The following SLC12A1 variants were observed in gnomAD, a reference collection of about 807,000 sequenced individuals.
SLC12A1 encodes Na-K-2Cl cotransporter.
A neutral mutation model predicts 130.4 loss-of-function variants in SLC12A1; 89 were observed. That is an observed-to-expected ratio of 0.68 (90% CI 0.58 to 0.81). The LOEUF (loss-of-function observed/expected upper bound fraction) is 0.81, where lower values mean the gene tolerates loss of function less well. Among genes scored for constraint, SLC12A1 ranks in the 40% least tolerant of loss-of-function variants. SLC12A1 has a pLI of 0.00. For missense variants in SLC12A1, 1,310 were observed against 1,336.4 expected (o/e 0.98, Z 0.31); for synonymous variants, 499 against 460.0 (o/e 1.08, Z -1.09).
intron 9 of SLC12A1, among the ~76,000 whole-genome samples, chr15:48,240,030 C>CATAT (rs796802835): frequency 0.26 from 3,345 of 13,066 alleles, 574 homozygotes; most frequent in African/African-American, 0.31. Context: ...TATATATATC[C>CATAT]ATATATATAT....
At chr15:48,297,562 G>C (rs2042190704) in intron 24 of SLC12A1, among the ~76,000 whole-genome samples, 1 of 152,174 alleles carries the variant, frequency 6.6e-6, no homozygotes, top group African/African-American at 2.4e-5. Context: ...TTCTAACAAG[G>C]ATTTGGGCTG....
intron 2 of SLC12A1, among the ~76,000 whole-genome samples, chr15:48,212,466 C>A (rs535821180): frequency 1.3e-4 from 20 of 152,328 alleles, no homozygotes; most frequent in Admixed American, 1.2e-3. Context: ...CCCTCGAGAT[C>A]TTTCCGTATT....
intron 2 of SLC12A1, among the ~76,000 whole-genome samples, chr15:48,218,920 T>C (rs1597398916): frequency 6.6e-6 from 1 of 152,226 alleles, no homozygotes; most frequent in South Asian, 2.1e-4. Context: ...TAGAGAACTA[T>C]TCTCAATTTG....
rs1192390850 is a variant in SLC12A1, at chr15:48,235,087, G to A, written c.1215+83G>A. The A allele has an allele frequency of 3.0e-6, 4 of 1,352,892 alleles. No homozygotes were observed. In the African/African-American group the frequency reaches 4.3e-5, roughly 15 times the overall value. 83.8% of individuals were successfully genotyped at this position (1,352,892 alleles called of 1,614,324 possible). A position where few individuals can be genotyped will look rare whatever the true frequency, so the allele number is the denominator to read the frequency against. On this transcript the variant is annotated intron_variant, in intron 9 of 26. Transcript: ENST00000380993. ...ACAAGGAGCTAGAGAGGTTAGATGT[G>A]ACCATATTACCCTACAGATTCAAAC... is the stretch of plus-strand genomic sequence containing the variant.
At chr15:48,209,586 T>C (rs556900836) in intron 2 of SLC12A1, among the ~76,000 whole-genome samples, 47 of 152,358 alleles carry the variant, frequency 3.1e-4, no homozygotes, top group African/African-American at 1.1e-3. Flanking sequence ...GTTCCTTTTG[T>C]ATGCATTCAT....
chr15:48,298,027 C>A (rs1223562495), intron 24 of SLC12A1, among the ~76,000 whole-genome samples: 1 of 152,186 alleles, frequency 6.6e-6, no homozygotes, highest in Non-Finnish European at 1.5e-5. Flanking sequence ...CATTAAGTAT[C>A]TTTTCAGTCT....
In SLC12A1 at chr15:48,245,748, T is replaced by C. The variant is rs116018380; in HGVS notation, c.1452+844T>C. ...TAGACATACAGATGCCTGGATCTTT[T>C]TGGTTGAATGATATATTTTCTTTTG... On this transcript the variant is annotated intron_variant, in intron 11 of 26. Transcript: ENST00000380993. 8.5e-3 allele frequency among the ~76,000 whole-genome samples: 1,300 copies of C among 152,330 alleles called. 22 individuals carry two copies. Among genetic ancestry groups the C allele is most frequent in the African/African-American group, 0.03 (1,239 of 41,588 alleles).
At chr15:48,245,034 T>C in intron 11 of SLC12A1, 130 bp downstream of exon 11, 1 of 889,520 alleles carries the variant, frequency 1.1e-6, no homozygotes, top group South Asian at 1.7e-5. Context: ...ATGATTCATG[T>C]GGAAATGAAA....
At chr15:48,245,382 A>C (rs2098611622) in intron 11 of SLC12A1, among the ~76,000 whole-genome samples, 1 of 152,102 alleles carries the variant, frequency 6.6e-6, no homozygotes, top group South Asian at 2.1e-4. Context: ...TCAGGTACTA[A>C]GCATAGTACC....
chr15:48,289,297 C>T (rs1476487654), intron 23 of SLC12A1, among the ~76,000 whole-genome samples: 1 of 150,380 alleles, frequency 6.6e-6, no homozygotes, highest in East Asian at 2.0e-4. Context: ...CTTCCTGGAA[C>T]CAGCACTTCC....
Position 48,229,264 on chromosome 15 carries a change from C to G in SLC12A1, c.800C>G (p.Ala267Gly). The G allele has an allele frequency of 6.2e-7, 1 of 1,603,604 alleles. No homozygotes were observed. The highest frequency in any genetic ancestry group is 8.5e-7 in the Non-Finnish European group (1 of 1,174,636). Residue 267 changes from alanine (A) to glycine (G), a missense_variant, in exon 6 of 27, where the codon GCT (alanine) becomes GGT (glycine). Transcript: ENST00000380993. ...GGSIGLIFAF[A>G]NAVAVAMYVV... ...TCAATAGGCCTGATCTTTGCTTTTG[C>G]TAATGCAGTGGCTGTTGCTATGTAT...
intron 11 of SLC12A1, among the ~76,000 whole-genome samples, chr15:48,245,425 A>G (rs1030139432): frequency 2.0e-5 from 3 of 151,860 alleles, no homozygotes; most frequent in Non-Finnish European, 2.9e-5. Context: ...GCCTTCCTCT[A>G]TCCCCTCTCT....
chr15:48,269,357 C>T (rs995270125), intron 18 of SLC12A1, among the ~76,000 whole-genome samples: 2 of 152,148 alleles, frequency 1.3e-5, no homozygotes, highest in African/African-American at 2.4e-5. Flanking sequence ...TAAGCTGACC[C>T]TCACTTGATT....
At chr15:48,249,888 A>C (rs893339467) in intron 14 of SLC12A1, among the ~76,000 whole-genome samples, 2 of 152,200 alleles carry the variant, frequency 1.3e-5, no homozygotes, top group African/African-American at 2.4e-5. Context: ...ACCAACCAGA[A>C]AGTCAATTTT....
intron 15 of SLC12A1, among the ~76,000 whole-genome samples, chr15:48,254,055 G>A (rs1205128429): frequency 2.6e-5 from 4 of 151,978 alleles, no homozygotes; most frequent in Non-Finnish European, 5.9e-5. Flanking sequence ...TTTAGTATAT[G>A]TGTTTTGCAA....
chr15:48,227,872 T>A (rs945713541), intron 5 of SLC12A1: 2 of 152,410 alleles, frequency 1.3e-5, no homozygotes, highest in African/African-American at 4.8e-5. Context: ...TCTGCCTGTC[T>A]CTCATGTTGA....
At chr15:48,220,180 T>TAGATAGAA (rs1303617558) in intron 2 of SLC12A1, among the ~76,000 whole-genome samples, 1 of 147,360 alleles carries the variant, frequency 6.8e-6, no homozygotes, top group Non-Finnish European at 1.5e-5. Flanking sequence ...GATAGATAGA[T>TAGATAGAA]AGATAAAATG....
chr15:48,234,354 A>T (rs1162679188), intron 8 of SLC12A1, among the ~76,000 whole-genome samples: 2 of 152,160 alleles, frequency 1.3e-5, no homozygotes, highest in East Asian at 1.9e-4. Context: ...TGTCATAGAG[A>T]TCTAAAACCT....
At chr15:48,294,815 A>T (rs1220124253) in intron 24 of SLC12A1, among the ~76,000 whole-genome samples, 1 of 152,210 alleles carries the variant, frequency 6.6e-6, no homozygotes, top group East Asian at 1.9e-4. Flanking sequence ...TCTAGTGGGT[A>T]GTCACTGTGT....
Sources: allele counts gnomAD v4.1 joint callset (sites outside exome capture counted in the v4.1 genomes callset), GRCh38; gene constraint gnomAD v4.1.1; transcripts MANE v1.5; gene names NCBI Gene and HGNC (gene_info 2026-07-23, HGNC 2026-07-21).